MLC1: variants seen among roughly 807,000 people sequenced by gnomAD.
The protein encoded by MLC1 is modulator of VRAC current 1.
A neutral mutation model predicts 44.7 loss-of-function variants in MLC1; 32 were observed. The ratio of observed to expected loss-of-function variants is 0.72; its 90% CI spans 0.54 to 0.96. MLC1 has a LOEUF of 0.96. Ranked by LOEUF, MLC1 falls within the 40% of genes least tolerant of loss-of-function variation. The probability of loss-of-function intolerance (pLI) is 0.00; values close to 1 mark genes in which losing one functional copy is unlikely to be tolerated. For synonymous variants in MLC1, 190 were observed against 213.0 expected (o/e 0.89, Z 0.94); for missense variants, 459 against 492.2 (o/e 0.93, Z 0.64).
intron 11 of MLC1, among the ~76,000 whole-genome samples, chr22:50,062,927 A>G (rs370766103): frequency 2.6e-5 from 4 of 152,278 alleles, no homozygotes; most frequent in African/African-American, 9.6e-5. Context: ...CCGGGGGAAC[A>G]TTGTTCAGGC....
chr22:50,080,085 C>T, intron 4 of MLC1, 66 bp from the exon 5 acceptor site: 1 of 1,320,572 alleles, frequency 7.6e-7, no homozygotes, highest in Non-Finnish European at 1.1e-6. Flanking sequence ...AACAGATAAA[C>T]CACACTTCAG....
In MLC1 at chr22:50,061,598, C is replaced by A. The variant is rs774935114; in HGVS notation, c.1119G>T (p.Val373=). Residue 373 remains valine, a synonymous_variant, in exon 12 of 12, where the codon GTG becomes GTT. Coordinates refer to ENST00000311597, the MANE Select transcript of MLC1 (RefSeq NM_015166.4). ...CGTCTGGGGGTCACTGGGCCATTTG[C>A]ACCACGACGGCTCTCCAGGCTTTCT... is the stretch of plus-strand genomic sequence containing the variant. The part of the protein sequence containing the change: ...DKEKAWRAVV[V]QMAQ The A allele has an allele frequency of 6.2e-7, 1 of 1,613,850 alleles. No individual in the cohort carries two copies. Among genetic ancestry groups the A allele is most frequent in the Admixed American group, 1.7e-5 (1 of 60,014 alleles).
intron 11 of MLC1, among the ~76,000 whole-genome samples, chr22:50,063,575 C>T (rs999931034): frequency 6.6e-6 from 1 of 151,946 alleles, no homozygotes; most frequent in African/African-American, 2.4e-5. Flanking sequence ...TCGAGGGCCA[C>T]GTCGTGTGGC....
At position 50,077,439 on chromosome 22, in the gene MLC1, C is replaced by T. The variant is rs1397666411; in HGVS notation, c.487G>A (p.Ala163Thr). ...CAGTCCTCCTCGCTGGACCGTGCAG[C>T]GATGATCACCGTGGCCGCCATGAGC... Reference protein sequence around the residue: ...ELLMAATVIIAARSSEEDCKK... With the variant: ...ELLMAATVIITARSSEEDCKK... Residue 163 changes from alanine to threonine, a missense_variant, in exon 6 of 12, where the codon GCT (alanine) becomes ACT (threonine). Transcript: ENST00000311597. The T allele has an allele frequency of 8.7e-6, 14 of 1,613,754 alleles. No homozygotes were observed. The highest frequency in any genetic ancestry group is 2.2e-5 in the East Asian group (1 of 44,896).
In MLC1 at chr22:50,059,810, CGAGGACTGCA is replaced by C. The variant is rs2061527999; in HGVS notation, c.*1763_*1772del. On this transcript the variant is annotated 3_prime_UTR_variant, in exon 12 of 12. Transcript: ENST00000311597. ...CCTGACTGTGTCCTTCCGGAGCTGC[CGAGGACTGCA>C]GAGAGGGCCTGGCTTGTCCCCTCTA... 1 of 152,332 alleles carries C rather than the reference CGAGGACTGCA, an allele frequency of 6.6e-6. No individual in the cohort carries two copies. Among genetic ancestry groups the C allele is most frequent in the Non-Finnish European group, 1.5e-5 (1 of 68,054 alleles). The allele number at this position is 152,332 out of a possible 1,614,324, so 9.4% of individuals were successfully genotyped here. A position where few individuals can be genotyped will look rare whatever the true frequency, so the allele number is the denominator to read the frequency against.
chr22:50,061,681 T>C, intron 11 of MLC1, 24 bp from the exon 12 acceptor site: 2 of 1,605,756 alleles, frequency 1.2e-6, no homozygotes, highest in Non-Finnish European at 1.7e-6. Flanking sequence ...AGGAAAGGTG[T>C]TACTTCACCA....
chr22:50,073,676 T>G (rs2061912262), intron 8 of MLC1, among the ~76,000 whole-genome samples: 1 of 151,944 alleles, frequency 6.6e-6, no homozygotes. Flanking sequence ...GCAGAGGTTG[T>G]AGTGAGGTGA....
chr22:50,068,038 GA>G (rs1456151971), intron 10 of MLC1, among the ~76,000 whole-genome samples: 1 of 152,108 alleles, frequency 6.6e-6, no homozygotes, highest in Non-Finnish European at 1.5e-5. Context: ...AGTCGTGTTG[GA>G]GATAAGCTCC....
At chr22:50,063,587 C>A (rs575640387) in intron 11 of MLC1, among the ~76,000 whole-genome samples, 79 of 152,082 alleles carry the variant, frequency 5.2e-4, no homozygotes, top group Admixed American at 1.8e-3. Flanking sequence ...TCGTGTGGCC[C>A]TCGGAGGCCC....
chr22:50,066,515 C>T (rs1418944720), intron 10 of MLC1, among the ~76,000 whole-genome samples: 2 of 152,108 alleles, frequency 1.3e-5, no homozygotes, highest in African/African-American at 4.8e-5. Context: ...CAAAAATTAG[C>T]CGGGTGTGTT....
intron 3 of MLC1, among the ~76,000 whole-genome samples, chr22:50,081,018 A>AAAGG (rs1241503862): frequency 8.1e-6 from 1 of 123,702 alleles, no homozygotes; most frequent in African/African-American, 3.0e-5. Context: ...AAAAAGAAAG[A>AAAGG]AAGAAAGAAA....
intron 5 of MLC1, 92 bp downstream of exon 5, chr22:50,079,826 C>G: frequency 1.1e-6 from 1 of 940,156 alleles, no homozygotes; most frequent in Non-Finnish European, 1.8e-6. Flanking sequence ...ACATTTACCA[C>G]CTATTTCCAG....
At chr22:50,068,725 C>CTTTTTTTTTTTTTTTTTTT (rs765426637) in intron 9 of MLC1, among the ~76,000 whole-genome samples, 170 bp from the exon 10 acceptor site, 5 of 105,250 alleles carry the variant, frequency 4.8e-5, no homozygotes, top group Admixed American at 2.2e-4. Flanking sequence ...TTTTCTTTTT[C>CTTTTTTTTTTTTTTTTTTT]TTTTTTTTTT....
intron 7 of MLC1, 81 bp from the exon 8 acceptor site, chr22:50,074,413 C>A: frequency 8.0e-7 from 1 of 1,251,222 alleles, no homozygotes; most frequent in Non-Finnish European, 1.2e-6. Flanking sequence ...CAGACATGGA[C>A]CCCCAGGAGC....
intron 9 of MLC1, 60 bp downstream of exon 9, chr22:50,070,465 TAG>T: frequency 6.9e-7 from 1 of 1,448,216 alleles, no homozygotes; most frequent in Admixed American, 2.0e-5. Flanking sequence ...AAGGGAGGGC[TAG>T]GCCAGGCCCT....
At chr22:50,068,326 T>C in intron 10 of MLC1, 107 bp downstream of exon 10, 2 of 1,480,616 alleles carry the variant, frequency 1.4e-6, no homozygotes, top group Non-Finnish European at 1.9e-6. Flanking sequence ...CTCCTGGAGC[T>C]GTCCCTGGAG....
At chr22:50,082,657 G>A (rs2062175053) in intron 3 of MLC1, among the ~76,000 whole-genome samples, 1 of 152,042 alleles carries the variant, frequency 6.6e-6, no homozygotes. Flanking sequence ...AGAGTTTTTT[G>A]TTTTTTTCTT....
chr22:50,083,516 A>T lies in MLC1; in HGVS notation c.178-343T>A, dbSNP rs2062201675. Among the ~76,000 whole-genome samples, 1 of 152,230 alleles carries T rather than the reference A, an allele frequency of 6.6e-6. No homozygotes were observed. The highest frequency in any genetic ancestry group is 2.4e-5 in the African/African-American group (1 of 41,462). ...TCCTGCCCCAACATGTTGTGCGTGC[A>T]GTCTTCCAGATCCCACACCCAGGTC... On this transcript the variant is annotated intron_variant, in intron 2 of 11. Coordinates refer to ENST00000311597, the MANE Select transcript of MLC1 (RefSeq NM_015166.4). This position sits in a 1 kb window ranked among gnomAD's most constrained non-coding sequence, Gnocchi z 4.6.
At position 50,084,857 on chromosome 22, in the gene MLC1, G is replaced by A. The variant is rs2062242480; in HGVS notation, c.46C>T (p.Pro16Ser). 1 of 1,613,456 alleles carries A rather than the reference G, an allele frequency of 6.2e-7. No homozygotes were observed. Among genetic ancestry groups the A allele is most frequent in the East Asian group, 2.2e-5 (1 of 44,890 alleles). Residue 16 changes from proline to serine, a missense_variant, in exon 2 of 12, where the codon CCC becomes TCC. Pro to Ser is a moderately conservative substitution (Grantham distance 74, BLOSUM62 -1). Transcript: ENST00000311597. ...FREELAYDRM[P>S]TLERGRQDPA... The stretch of plus-strand genomic sequence containing the variant: ...TCTTGCCGGCCCCGCTCCAGCGTGG[G>A]CATCCGGTCATAGGCCAGCTCCTCT...
Sources: gnomAD v4.1 joint callset for allele counts (sites outside exome capture counted in the v4.1 genomes callset) on GRCh38, gnomAD v4.1.1 for gene constraint, Gnocchi (gnomAD v3.1) non-coding constraint, MANE v1.5 for transcripts, NCBI Gene and HGNC (gene_info 2026-07-23, HGNC 2026-07-21) for gene names.